RFTN2: variants seen among roughly 807,000 people sequenced by gnomAD.
RFTN2 encodes raftlin-2.
In RFTN2, 34 loss-of-function variants were observed where a neutral mutation model predicts 52.7. The observed-to-expected ratio is 0.64, with a 90% CI of 0.49 to 0.86. The LOEUF (loss-of-function observed/expected upper bound fraction) is 0.86, where lower values mean the gene tolerates loss of function less well. RFTN2 is among the 40% of genes least tolerant of loss of function. The pLI, the probability that RFTN2 is intolerant of heterozygous loss-of-function variation, is 0.00. For synonymous variants in RFTN2, 203 were observed against 217.7 expected, an observed-to-expected ratio of 0.93 and a Z score of 0.59; for missense variants, 536 against 600.1, an observed-to-expected ratio of 0.89 and a Z score of 1.12.
chr2:197,664,881 T>C (rs1019068963), intron 1 of RFTN2, among the ~76,000 whole-genome samples: 1 of 152,232 alleles, frequency 6.6e-6, no homozygotes, highest in Non-Finnish European at 1.5e-5. Flanking sequence ...TCTGAAGTTG[T>C]TGGATAAATG....
Position 197,616,040 on chromosome 2 carries a change from C to T in RFTN2, c.1051-61G>A, listed in dbSNP as rs2088135645. 7 of 978,126 alleles carry T rather than the reference C, an allele frequency of 7.2e-6. No individual in the cohort carries two copies. In the East Asian group the frequency reaches 1.8e-4, roughly 26 times the overall value. The allele number at this position is 978,126 out of a possible 1,614,324, so 60.6% of individuals were successfully genotyped here. On this transcript the variant is annotated intron_variant, in intron 6 of 8. Transcript: ENST00000295049. ...GCAAAGACAACCAACTACACAATTA[C>T]AACAAAGGGTGATGCGTGTTAGGAT...
chr2:197,605,827 C>G (rs952731811), intron 7 of RFTN2, among the ~76,000 whole-genome samples: 4 of 152,124 alleles, frequency 2.6e-5, no homozygotes, highest in African/African-American at 9.7e-5. Flanking sequence ...TTAGCCCTAT[C>G]TGCCACAAGG....
At position 197,640,024 on chromosome 2, in the gene RFTN2, T is replaced by C. The variant is rs539274175; in HGVS notation, c.438+4134A>G. 5.9e-5 allele frequency among the ~76,000 whole-genome samples: 9 copies of C among 152,272 alleles called. No individual in the cohort carries two copies. The East Asian group carries it at 1.7e-3, about 29-fold the overall frequency. On this transcript the variant is annotated intron_variant, in intron 3 of 8. Transcript: ENST00000295049. Reference sequence around the variant, plus strand: ...GTGTGAGATGTCAGTGTGCCCCTGCTGGGGGTGCCTCCCAGTTAGGCTGCT... The same window carrying C: ...GTGTGAGATGTCAGTGTGCCCCTGCCGGGGGTGCCTCCCAGTTAGGCTGCT...
chr2:197,620,704 C>A (rs1391777756), intron 5 of RFTN2, among the ~76,000 whole-genome samples: 1 of 152,182 alleles, frequency 6.6e-6, no homozygotes, highest in African/African-American at 2.4e-5. Context: ...CAGTGGCTCA[C>A]GCCTGTAATC....
intron 8 of RFTN2, among the ~76,000 whole-genome samples, chr2:197,590,175 G>C (rs546941614): frequency 5.1e-4 from 78 of 152,186 alleles, no homozygotes; most frequent in African/African-American, 1.9e-3. Context: ...AGAATGCTGA[G>C]ATTACAGGTG....
At chr2:197,672,649 G>GA (rs1334237006) in intron 1 of RFTN2, among the ~76,000 whole-genome samples, 1 of 152,158 alleles carries the variant, frequency 6.6e-6, no homozygotes, top group Non-Finnish European at 1.5e-5. Context: ...ACAACTCTGT[G>GA]ACGTCAGCAC....
At chr2:197,664,227 C>T (rs2089019273) in intron 1 of RFTN2, among the ~76,000 whole-genome samples, 1 of 151,944 alleles carries the variant, frequency 6.6e-6, no homozygotes, top group Non-Finnish European at 1.5e-5. Flanking sequence ...AATACCACCA[C>T]TTTGGGAGGC....
At chr2:197,615,750 C>A in intron 7 of RFTN2, 126 bp downstream of exon 7, 2 of 603,878 alleles carry the variant, frequency 3.3e-6, no homozygotes, top group Non-Finnish European at 5.9e-6. Context: ...TCCATAAAAT[C>A]AAATTCGAAG....
At chr2:197,630,210 A>G (rs1176871597) in intron 5 of RFTN2, among the ~76,000 whole-genome samples, 1 of 14,476 alleles carries the variant, frequency 6.9e-5, no homozygotes, top group African/African-American at 8.1e-4. Flanking sequence ...AGTTAAGGTA[A>G]TAAATACTAG....
At chr2:197,652,105 C>T (rs1007475873) in intron 1 of RFTN2, among the ~76,000 whole-genome samples, 1 of 152,004 alleles carries the variant, frequency 6.6e-6, no homozygotes, top group Non-Finnish European at 1.5e-5. Flanking sequence ...TACTGTAGGC[C>T]GGGTGGTAAT....
At chr2:197,630,246 GGGAGATCTT>G (rs2088446422) in intron 5 of RFTN2, among the ~76,000 whole-genome samples, 1 of 152,104 alleles carries the variant, frequency 6.6e-6, no homozygotes, top group Non-Finnish European at 1.5e-5. Flanking sequence ...GTAAGGTATA[GGGAGATCTT>G]ATTTGCTTTT....
chr2:197,608,060 A>G (rs2087990567), intron 7 of RFTN2, among the ~76,000 whole-genome samples: 1 of 152,220 alleles, frequency 6.6e-6, no homozygotes, highest in Non-Finnish European at 1.5e-5. Flanking sequence ...CTGCATTAGA[A>G]TGGGCCAAAT....
intron 3 of RFTN2, among the ~76,000 whole-genome samples, chr2:197,636,863 A>G (rs1397164991): frequency 6.7e-6 from 1 of 149,726 alleles, no homozygotes; most frequent in African/African-American, 2.4e-5. Flanking sequence ...TTAGTATGAT[A>G]TTGGCTGTGG....
chr2:197,573,667 G>T (rs2087364295), intron 8 of RFTN2, among the ~76,000 whole-genome samples: 1 of 152,222 alleles, frequency 6.6e-6, no homozygotes, highest in Non-Finnish European at 1.5e-5. Flanking sequence ...AATGTTAATT[G>T]CCAAGGCAAT....
intron 1 of RFTN2, among the ~76,000 whole-genome samples, chr2:197,669,026 G>C (rs1201953483): frequency 1.3e-5 from 2 of 152,112 alleles, no homozygotes; most frequent in African/African-American, 4.8e-5. Context: ...CCTTGTTTTA[G>C]ATATTTCTTG....
At chr2:197,598,749 G>C (rs1468176911) in intron 7 of RFTN2, among the ~76,000 whole-genome samples, 1 of 152,138 alleles carries the variant, frequency 6.6e-6, no homozygotes, top group Non-Finnish European at 1.5e-5. Flanking sequence ...GTAAATTTGG[G>C]AACCATCACC....
intron 8 of RFTN2, among the ~76,000 whole-genome samples, chr2:197,578,088 G>C (rs78060858): frequency 6.6e-6 from 1 of 152,134 alleles, no homozygotes. Context: ...GAAGGTGGGG[G>C]TTCCTGGGGG....
chr2:197,628,755 G>A (rs2088411707), intron 5 of RFTN2, among the ~76,000 whole-genome samples: 1 of 152,220 alleles, frequency 6.6e-6, no homozygotes, highest in South Asian at 2.1e-4. Flanking sequence ...AACTCTGACT[G>A]TAGGCTAGGC....
chr2:197,571,856 G>T lies in RFTN2; in HGVS notation c.*152C>A. On this transcript the variant is annotated 3_prime_UTR_variant, in exon 9 of 9. Coordinates refer to ENST00000295049, the MANE Select transcript of RFTN2 (RefSeq NM_144629.3). ...GTTGGTTATTCTTCCTTGTCTGGGA[G>T]GTTGTGCCAAAGTTTACATAGATTA... The T allele has an allele frequency of 1.5e-6, 1 of 671,170 alleles. No homozygotes were observed. Among genetic ancestry groups the T allele is most frequent in the Non-Finnish European group, 2.5e-6 (1 of 394,838 alleles). 41.6% of individuals were successfully genotyped at this position (671,170 alleles called of 1,614,324 possible). A position where few individuals can be genotyped will look rare whatever the true frequency, so the allele number is the denominator to read the frequency against.
Sources: allele counts gnomAD v4.1 joint callset (sites outside exome capture counted in the v4.1 genomes callset), GRCh38; gene constraint gnomAD v4.1.1; transcripts MANE v1.5; gene names NCBI Gene and HGNC (gene_info 2026-07-23, HGNC 2026-07-21).